Variants in ETV6 observed in about 807,000 individuals in gnomAD.
ETV6 encodes the protein transcription factor ETV6.
In ETV6, 16 loss-of-function variants were observed where a neutral mutation model predicts 51.1. That is an observed-to-expected ratio of 0.31 (90% confidence interval 0.21 to 0.48). The LOEUF is 0.48. Among genes scored for constraint, ETV6 ranks in the 20% least tolerant of loss-of-function variants. ETV6 has a pLI of 0.99. For missense variants in ETV6, 458 were observed against 594.8 expected (o/e 0.77, Z 2.39); for synonymous variants, 240 against 224.1 (o/e 1.07, Z -0.64).
At chr12:11,752,690 C>T in intron 2 of ETV6, 111 bp downstream of exon 2, 1 of 1,341,742 alleles carries the variant, frequency 7.5e-7, no homozygotes, top group East Asian at 2.4e-5. Flanking sequence ...TTTCACAGGA[C>T]TTCGCCACGC....
intron 1 of ETV6, among the ~76,000 whole-genome samples, chr12:11,715,223 C>G (rs1865252750): frequency 6.6e-6 from 1 of 152,080 alleles, no homozygotes; most frequent in Non-Finnish European, 1.5e-5. Flanking sequence ...TTTAGATAGA[C>G]TGGATTAGTG....
chr12:11,838,789 A>C (rs1282779943), intron 2 of ETV6, among the ~76,000 whole-genome samples: 1 of 152,236 alleles, frequency 6.6e-6, no homozygotes, highest in East Asian at 1.9e-4. Flanking sequence ...AGCCCCTGGA[A>C]CTGGGCAAGG....
At chr12:11,886,361 CCAGGTTACCAT>C (rs1254437657) in intron 7 of ETV6, among the ~76,000 whole-genome samples, 17 of 152,100 alleles carry the variant, frequency 1.1e-4, no homozygotes, top group Admixed American at 1.1e-3. Context: ...ACCTAGACTT[CCAGGTTACCAT>C]CGCTGTAAGG....
intron 1 of ETV6, among the ~76,000 whole-genome samples, chr12:11,693,767 G>A (rs1864817383): frequency 2.0e-5 from 3 of 152,164 alleles, no homozygotes; most frequent in Non-Finnish European, 4.4e-5. Flanking sequence ...TTGCTTTCTA[G>A]TGATGAAGCA....
chr12:11,857,631 C>T (rs983225180), intron 4 of ETV6, among the ~76,000 whole-genome samples: 10 of 152,340 alleles, frequency 6.6e-5, no homozygotes, highest in African/African-American at 1.7e-4. Context: ...GCCAGGACTA[C>T]ATATCAAATA....
chr12:11,691,384 C>A (rs560178962), intron 1 of ETV6, among the ~76,000 whole-genome samples: 2 of 152,322 alleles, frequency 1.3e-5, no homozygotes, highest in African/African-American at 4.8e-5. Flanking sequence ...TCCCACACCT[C>A]CTCTCCCTTC....
chr12:11,714,762 T>G (rs1591627354), intron 1 of ETV6, among the ~76,000 whole-genome samples: 1 of 144,324 alleles, frequency 6.9e-6, no homozygotes, highest in African/African-American at 2.6e-5. Flanking sequence ...GGGGAGGGAG[T>G]AGACTCCTGG....
At chr12:11,728,128 C>T (rs182265893) in intron 1 of ETV6, among the ~76,000 whole-genome samples, 1 of 152,340 alleles carries the variant, frequency 6.6e-6, no homozygotes, top group East Asian at 1.9e-4. Flanking sequence ...GCCTCCCCTT[C>T]TTATAACACT....
At chr12:11,721,526 C>T (rs941023222) in intron 1 of ETV6, among the ~76,000 whole-genome samples, 4 of 152,122 alleles carry the variant, frequency 2.6e-5, no homozygotes, top group African/African-American at 4.8e-5. Context: ...AGCTATACAT[C>T]GAGCACTCAT....
intron 1 of ETV6, among the ~76,000 whole-genome samples, chr12:11,723,945 C>T (rs1277442476): frequency 6.6e-6 from 1 of 152,046 alleles, no homozygotes. Context: ...CGGACCTACA[C>T]TCTCGGGGGT....
At chr12:11,698,947 C>T (rs1474857132) in intron 1 of ETV6, among the ~76,000 whole-genome samples, 1 of 152,154 alleles carries the variant, frequency 6.6e-6, no homozygotes, top group Admixed American at 6.5e-5. Flanking sequence ...GCCTAAAGTT[C>T]ACAGACAGAA....
chr12:11,885,472 T>C (rs542152109), intron 6 of ETV6, among the ~76,000 whole-genome samples: 5 of 152,264 alleles, frequency 3.3e-5, no homozygotes, highest in African/African-American at 1.2e-4. Flanking sequence ...AACAAAAGAA[T>C]TGTCTTCCTT....
chr12:11,710,638 C>G (rs886209470), intron 1 of ETV6, among the ~76,000 whole-genome samples: 1 of 152,120 alleles, frequency 6.6e-6, no homozygotes. Context: ...TATCACAATG[C>G]TAGTATTATA....
intron 1 of ETV6, among the ~76,000 whole-genome samples, chr12:11,739,074 AAAAG>A (rs1826899059): frequency 1.3e-5 from 2 of 152,134 alleles, no homozygotes; most frequent in Non-Finnish European, 2.9e-5. Flanking sequence ...AATTTTTAAA[AAAAG>A]AGAGAGAGAG....
chr12:11,693,737 C>G (rs1030315468), intron 1 of ETV6, among the ~76,000 whole-genome samples: 1 of 152,196 alleles, frequency 6.6e-6, no homozygotes, highest in East Asian at 1.9e-4. Flanking sequence ...CTATCTCTGT[C>G]CCCAGCTGCT....
intron 2 of ETV6, among the ~76,000 whole-genome samples, chr12:11,806,167 C>G (rs1945827739): frequency 6.6e-6 from 1 of 152,170 alleles, no homozygotes; most frequent in South Asian, 2.1e-4. Context: ...GCTCTTGCGT[C>G]TGTCACACAG....
At chr12:11,758,074 G>T (rs1565514465) in intron 2 of ETV6, among the ~76,000 whole-genome samples, 1 of 152,192 alleles carries the variant, frequency 6.6e-6, no homozygotes, top group Non-Finnish European at 1.5e-5. Context: ...TGCTAGGGGT[G>T]CCCTTCTAGG....
chr12:11,837,971 A>G (rs917336570), intron 2 of ETV6, among the ~76,000 whole-genome samples: 3 of 152,254 alleles, frequency 2.0e-5, no homozygotes, highest in Non-Finnish European at 4.4e-5. Flanking sequence ...TTATGAATTT[A>G]GCAAGTAAAA....
chr12:11,751,747 T>G, intron 1 of ETV6: 3 of 423,576 alleles, frequency 7.1e-6, no homozygotes, highest in Non-Finnish European at 1.4e-5. Flanking sequence ...GAATGAACTA[T>G]GAAATACTTC....
Sources: gnomAD v4.1 joint callset for allele counts (sites outside exome capture counted in the v4.1 genomes callset) on GRCh38, gnomAD v4.1.1 for gene constraint, MANE v1.5 for transcripts, NCBI Gene and HGNC (gene_info 2026-07-23, HGNC 2026-07-21) for gene names.